Variants in XYLT2 observed in about 807,000 individuals in gnomAD.
XYLT2 encodes xylosyltransferase 2.
Under a neutral mutation model 82.6 loss-of-function variants are expected in XYLT2, and 37 were observed. The ratio of observed to expected loss-of-function variants is 0.45; its 90% CI spans 0.34 to 0.59. The LOEUF is 0.59. XYLT2 is among the 20% of genes least tolerant of loss of function. The pLI, the probability that XYLT2 is intolerant of heterozygous loss-of-function variation, is 0.01. For missense variants in XYLT2, 934 were observed against 1,181.3 expected, an observed-to-expected ratio of 0.79 and a Z score of 3.07; for synonymous variants, 474 against 499.0, an observed-to-expected ratio of 0.95 and a Z score of 0.67.
chr17:50,354,947 G>A lies in XYLT2; in HGVS notation c.898G>A (p.Gly300Arg), dbSNP rs1695235176. 6.3e-7 allele frequency: 1 copy of A among 1,593,254 alleles called. No homozygotes were observed. Among genetic ancestry groups the A allele is most frequent in the Non-Finnish European group, 8.6e-7 (1 of 1,169,284 alleles). ...TPWRMVTIWG[G>R]ASLLRMYLRS... Reference sequence around the variant, plus strand: ...CTGGCGCATGGTTACCATCTGGGGCGGGGCCAGCCTCCTGAGGATGTACCT... The same window carrying A: ...CTGGCGCATGGTTACCATCTGGGGCAGGGCCAGCCTCCTGAGGATGTACCT... The change falls in exon 4 of 11, where the codon GGG (glycine) becomes AGG (arginine). Residue 300 changes from glycine to arginine, a missense_variant. Transcript: ENST00000017003.
intron 2 of XYLT2, 134 bp downstream of exon 2, chr17:50,354,256 G>A: frequency 6.6e-7 from 1 of 1,509,628 alleles, no homozygotes; most frequent in South Asian, 1.2e-5. Flanking sequence ...TTCATCCAGT[G>A]TACTTACTAA....
chr17:50,349,489 CTGTAAT>C (rs2143190453), intron 1 of XYLT2, among the ~76,000 whole-genome samples: 1 of 152,334 alleles, frequency 6.6e-6, no homozygotes, highest in African/African-American at 2.4e-5. Context: ...TGGCTCATGC[CTGTAAT>C]CTCAGCACTT....
chr17:50,355,138 T>A, intron 4 of XYLT2, 82 bp downstream of exon 4: 4 of 1,408,486 alleles, frequency 2.8e-6, no homozygotes, highest in Non-Finnish European at 3.8e-6. Context: ...TTGGTGGACC[T>A]TCTCTGCCCC....
Position 50,358,515 on chromosome 17 carries a change from C to CA in XYLT2, c.2252dup (p.Asn751LysfsTer10). The CA allele has an allele frequency of 5.0e-6, 8 of 1,612,788 alleles. No homozygotes were observed. The highest frequency in any genetic ancestry group is 5.9e-6 in the Non-Finnish European group (7 of 1,178,904). ...GCTTCCTTGTGCTGCCCTTGACCTT[C>CA]AACCGCAAACTACCTCTCAGGAAAG... On this transcript the variant is annotated frameshift_variant, in exon 10 of 11. Transcript: ENST00000017003. LOFTEE classifies it high-confidence loss of function.
Position 50,354,472 on chromosome 17 carries a change from G to C in XYLT2, c.693G>C (p.Pro231=). The C allele has an allele frequency of 6.8e-6, 11 of 1,612,584 alleles. No homozygotes were observed. Among genetic ancestry groups the C allele is most frequent in the Non-Finnish European group, 8.5e-6 (10 of 1,179,894 alleles). The change falls in exon 3 of 11, where the codon CCG becomes CCC. Residue 231 remains proline (P), a synonymous_variant. Coordinates refer to ENST00000017003, the MANE Select transcript of XYLT2 (RefSeq NM_022167.4). Reference sequence around the variant, plus strand: ...CCCAGCAGCCCATGGATGGCCCCCCGGTGCGAATCGCCTACATGCTGGTGG... The same window carrying C: ...CCCAGCAGCCCATGGATGGCCCCCCCGTGCGAATCGCCTACATGCTGGTGG... ...SQAQQPMDGP[P]VRIAYMLVVH... is the part of the protein sequence containing the mutation.
chr17:50,353,675 T>C lies in XYLT2; in HGVS notation c.181T>C (p.Ser61Pro), dbSNP rs1266422858. 6.4e-7 allele frequency: 1 copy of C among 1,566,582 alleles called. No homozygotes were observed. Among genetic ancestry groups the C allele is most frequent in the Non-Finnish European group, 8.7e-7 (1 of 1,154,522 alleles). The change falls in exon 2 of 11, where the codon TCC (serine) becomes CCC (proline). Residue 61 changes from serine (S) to proline (P), a missense_variant. By Grantham distance (74) the Ser-to-Pro change is moderately conservative. Around this residue, in one of 3 missense-constraint regions of XYLT2, gnomAD observed 371 missense variants for 394.9 expected, o/e 0.94. Coordinates refer to ENST00000017003, the MANE Select transcript of XYLT2 (RefSeq NM_022167.4). Reference protein sequence around the residue: ...KPRPLDPGEGSKDTDSSAGRR... With the variant: ...KPRPLDPGEGPKDTDSSAGRR... ...ACGGCCACTGGACCCTGGCGAGGGT[T>C]CCAAGGACACAGACAGTTCAGCAGG...
chr17:50,353,228 G>A (rs940745590), intron 1 of XYLT2, among the ~76,000 whole-genome samples: 5 of 152,168 alleles, frequency 3.3e-5, no homozygotes, highest in African/African-American at 4.8e-5. Flanking sequence ...TCCAGCCCTC[G>A]GTGGGAGTGC....
In XYLT2 at chr17:50,356,628, A is replaced by G. The variant is rs370444515; in HGVS notation, c.1600A>G (p.Lys534Glu). The G allele has an allele frequency of 2.1e-4, 331 of 1,614,014 alleles. No homozygotes were observed. The highest frequency in any genetic ancestry group is 3.8e-4 in the Admixed American group (23 of 59,996). The change falls in exon 8 of 11, where the codon AAG becomes GAG. Residue 534 changes from lysine to glutamate, a missense_variant. By Grantham distance (56) the Lys-to-Glu change is moderately conservative (BLOSUM62 1). This residue lies in a region of XYLT2 where 374 missense variants were observed against 465.6 expected (regional missense o/e 0.80). Coordinates refer to ENST00000017003, the MANE Select transcript of XYLT2 (RefSeq NM_022167.4). Reference sequence around the variant, plus strand: ...CTACCCCCCCGGCACGCCAGCCCTCAAGGCCTACTGGGAGAACACCTACGA... The same window carrying G: ...CTACCCCCCCGGCACGCCAGCCCTCGAGGCCTACTGGGAGAACACCTACGA... ...GSYPPGTPAL[K>E]AYWENTYDAA...
At chr17:50,349,335 T>A (rs1429583075) in intron 1 of XYLT2, among the ~76,000 whole-genome samples, 1 of 152,120 alleles carries the variant, frequency 6.6e-6, no homozygotes, top group South Asian at 2.1e-4. Flanking sequence ...TTCCTAGGGA[T>A]TCCCCAGCCT....
At chr17:50,358,080 C>T (rs950057047) in intron 9 of XYLT2, 127 bp from the exon 10 acceptor site, 71 of 833,236 alleles carry the variant, frequency 8.5e-5, no homozygotes, top group Non-Finnish European at 1.0e-4. Flanking sequence ...CTTCATTTTG[C>T]AGATGGGGAA....
rs1457337825 is a variant in XYLT2, at chr17:50,353,985, T to C, written c.491T>C (p.Ile164Thr). The C allele has an allele frequency of 1.9e-6, 3 of 1,606,418 alleles. No individual in the cohort carries two copies. The highest frequency in any genetic ancestry group is 2.5e-6 in the Non-Finnish European group (3 of 1,179,868). Residue 164 changes from isoleucine (I) to threonine (T), a missense_variant, in exon 2 of 11, where the codon ATC becomes ACC. By Grantham distance (89) the Ile-to-Thr change is moderately conservative. This residue lies in a region of XYLT2 where 371 missense variants were observed against 394.9 expected (regional missense o/e 0.94). Coordinates refer to ENST00000017003, the MANE Select transcript of XYLT2 (RefSeq NM_022167.4). ...TDNGFTPKCE[I>T]VGKDALSALA... is the part of the protein sequence containing the mutation. Reference sequence around the variant, plus strand: ...AATGGCTTCACCCCCAAGTGCGAGATCGTGGGCAAGGACGCACTGTCTGCA... The same window carrying C: ...AATGGCTTCACCCCCAAGTGCGAGACCGTGGGCAAGGACGCACTGTCTGCA...
At position 50,360,078 on chromosome 17, in the gene XYLT2, G is replaced by A; in HGVS notation, c.2385G>A (p.Glu795=). The A allele has an allele frequency of 6.2e-7, 1 of 1,613,966 alleles. No homozygotes were observed. The highest frequency in any genetic ancestry group is 8.5e-7 in the Non-Finnish European group (1 of 1,179,970). The change falls in exon 11 of 11, where the codon GAG becomes GAA. Residue 795 remains glutamate, a synonymous_variant. Coordinates refer to ENST00000017003, the MANE Select transcript of XYLT2 (RefSeq NM_022167.4). ...LNLPQPELAE[E]AAQRHTQLTG... is the part of the protein sequence containing the mutation. ...TGCCTCAGCCGGAGCTCGCGGAGGAGGCTGCCCAGCGGCACACACAGCTCA... is the reference window on the plus strand; with the variant it reads ...TGCCTCAGCCGGAGCTCGCGGAGGAAGCTGCCCAGCGGCACACACAGCTCA...
In XYLT2 at chr17:50,346,317, G is replaced by T. The variant is rs1912034570; in HGVS notation, c.135+42G>T. 1 of 1,027,902 alleles carries T rather than the reference G, an allele frequency of 9.7e-7. No homozygotes were observed. The highest frequency in any genetic ancestry group is 4.3e-5 in the South Asian group (1 of 23,480). 63.7% of individuals were successfully genotyped at this position (1,027,902 alleles called of 1,614,324 possible). ...GCGGGCGGGCAGGCCGGGCGCGGGG[G>T]CGCGCGGGGTCCTGGCGGGGCTGCG... On this transcript the variant is annotated intron_variant, in intron 1 of 10. Coordinates refer to ENST00000017003, the MANE Select transcript of XYLT2 (RefSeq NM_022167.4). This position sits in a 1 kb window ranked among gnomAD's most constrained non-coding sequence, Gnocchi z 5.1.
chr17:50,353,746 T>C lies in XYLT2; in HGVS notation c.252T>C (p.Arg84=), dbSNP rs376709288. The stretch of plus-strand genomic sequence containing the variant: ...GAAGGCATGGGCGCTGGCGGGGCCG[T>C]GCTGAGAGCCCAGGAGTGCCCGTGG... ...TGRRHGRWRG[R]AESPGVPVAK... The change falls in exon 2 of 11, where the codon CGT becomes CGC. Residue 84 remains arginine, a synonymous_variant. Coordinates refer to ENST00000017003, the MANE Select transcript of XYLT2 (RefSeq NM_022167.4). 21 of 1,558,028 alleles carry C rather than the reference T, an allele frequency of 1.3e-5. No individual in the cohort carries two copies. The African/African-American group carries it at 2.4e-4, about 18-fold the overall frequency.
Position 50,356,712 on chromosome 17 carries a change from G to C in XYLT2, c.1684G>C (p.Ala562Pro). ...CATGCTCACTGCTTACACAGCCTTC[G>C]CCCGCCTCAGCCTGCACCATGCCGC... ...DVMLTAYTAF[A>P]RLSLHHAATA... Residue 562 changes from alanine (A) to proline (P), a missense_variant, in exon 8 of 11, where the codon GCC becomes CCC. Physicochemically the swap from Ala to Pro is conservative, Grantham distance 27. Around this residue, in one of 3 missense-constraint regions of XYLT2, gnomAD observed 374 missense variants for 465.6 expected, o/e 0.80. Coordinates refer to ENST00000017003, the MANE Select transcript of XYLT2 (RefSeq NM_022167.4). The C allele has an allele frequency of 6.2e-7, 1 of 1,605,448 alleles. No homozygotes were observed. Among genetic ancestry groups the C allele is most frequent in the South Asian group, 1.1e-5 (1 of 91,020 alleles).
chr17:50,350,788 C>CCAGT (rs1912234913), intron 1 of XYLT2, among the ~76,000 whole-genome samples: 1 of 148,432 alleles, frequency 6.7e-6, no homozygotes, highest in Non-Finnish European at 1.5e-5. Flanking sequence ...CACTGTAAAT[C>CCAGT]CAGTGGTCTG....
Position 50,348,319 on chromosome 17 carries a change from G to C in XYLT2, c.135+2044G>C, listed in dbSNP as rs565526446. Among the ~76,000 whole-genome samples, 3 of 152,346 alleles carry C rather than the reference G, an allele frequency of 2.0e-5. No individual in the cohort carries two copies. In the South Asian group the frequency reaches 6.2e-4, roughly 32 times the overall value. On this transcript the variant is annotated intron_variant, in intron 1 of 10. Coordinates refer to ENST00000017003, the MANE Select transcript of XYLT2 (RefSeq NM_022167.4). ...CAGGAAAGGCTTCTCACAGGAAGAG[G>C]TGGGCAGGAGAGTTCAGGCAGAAGG...
intron 1 of XYLT2, among the ~76,000 whole-genome samples, chr17:50,350,624 C>G (rs969164939): frequency 6.6e-6 from 1 of 152,068 alleles, no homozygotes; most frequent in Non-Finnish European, 1.5e-5. Flanking sequence ...GGTGCTACGA[C>G]TATGTCAGTG....
chr17:50,360,424 G>C lies in XYLT2; in HGVS notation c.*133G>C. On this transcript the variant is annotated 3_prime_UTR_variant, in exon 11 of 11. Transcript: ENST00000017003. ...ATTTCAGCCATCAAGAACCCACACA[G>C]ACGGCAGGGAAGGTGGACACAGTAT... is the stretch of plus-strand genomic sequence containing the variant. The C allele has an allele frequency of 7.0e-7, 1 of 1,430,730 alleles. No individual in the cohort carries two copies. Among genetic ancestry groups the C allele is most frequent in the African/African-American group, 1.4e-5 (1 of 69,712 alleles). 88.6% of individuals were successfully genotyped at this position (1,430,730 alleles called of 1,614,324 possible). A position where few individuals can be genotyped will look rare whatever the true frequency, so the allele number is the denominator to read the frequency against.
Sources: gnomAD v4.1 joint callset for allele counts (sites outside exome capture counted in the v4.1 genomes callset) on GRCh38, gnomAD v4.1.1 for gene constraint, gnomAD v4.1.1 regional missense constraint, Gnocchi (gnomAD v3.1) non-coding constraint, MANE v1.5 for transcripts, NCBI Gene and HGNC (gene_info 2026-07-23, HGNC 2026-07-21) for gene names.